GRID2: variants seen among roughly 807,000 people sequenced by gnomAD.
The protein encoded by GRID2 is glutamate receptor ionotropic, delta-2.
A neutral mutation model predicts 114.8 loss-of-function variants in GRID2; 33 were observed. The observed-to-expected ratio is 0.29, with a 90% confidence interval of 0.22 to 0.38. The LOEUF (loss-of-function observed/expected upper bound fraction) is 0.38, where lower values mean the gene tolerates loss of function less well. Ranked by LOEUF, GRID2 falls within the 10% of genes least tolerant of loss-of-function variation. GRID2 has a pLI of 1.00. For missense variants in GRID2, 1,184 were observed against 1,257.7 expected (o/e 0.94, Z 0.89); for synonymous variants, 505 against 449.9 (o/e 1.12, Z -1.55).
At chr4:93,361,825 T>C (rs1045457650) in intron 8 of GRID2, among the ~76,000 whole-genome samples, 1 of 151,938 alleles carries the variant, frequency 6.6e-6, no homozygotes, top group Non-Finnish European at 1.5e-5. Context: ...TGCTGCTAGT[T>C]TTTTTTTAGA....
intron 1 of GRID2, among the ~76,000 whole-genome samples, chr4:92,489,395 C>T (rs1723044286): frequency 6.6e-6 from 1 of 152,026 alleles, no homozygotes; most frequent in African/African-American, 2.4e-5. Flanking sequence ...ATTGAAATCT[C>T]GATTTTGTAA....
chr4:93,389,923 G>A (rs1399208082), intron 8 of GRID2, among the ~76,000 whole-genome samples: 1 of 152,020 alleles, frequency 6.6e-6, no homozygotes. Flanking sequence ...CAAGTAGCTG[G>A]GATTACAGGC....
At chr4:93,117,372 C>T (rs1294236066) in intron 4 of GRID2, among the ~76,000 whole-genome samples, 1 of 151,948 alleles carries the variant, frequency 6.6e-6, no homozygotes, top group Non-Finnish European at 1.5e-5. Context: ...CTTTCAGGAA[C>T]ATTTTGCATG....
chr4:93,205,928 A>G (rs1742707694), intron 4 of GRID2, among the ~76,000 whole-genome samples: 1 of 152,072 alleles, frequency 6.6e-6, no homozygotes, highest in Admixed American at 6.6e-5. Context: ...GCATTTGTTC[A>G]CGTGTTTTTT....
chr4:93,416,600 T>G (rs141958360), intron 9 of GRID2, among the ~76,000 whole-genome samples: 1 of 152,076 alleles, frequency 6.6e-6, no homozygotes, highest in Admixed American at 6.6e-5. Context: ...GCTTGTAGCT[T>G]GTACCTATCA....
chr4:92,370,145 T>G (rs1415642136), intron 1 of GRID2, among the ~76,000 whole-genome samples: 1 of 152,194 alleles, frequency 6.6e-6, no homozygotes, highest in Non-Finnish European at 1.5e-5. Context: ...ATTTCAAACT[T>G]TTTTAATTAT....
rs148458836 is a variant in GRID2, at chr4:93,622,169, G to A, written c.2194-4100G>A. Among the ~76,000 whole-genome samples the A allele has an allele frequency of 2.9e-3, 440 of 152,240 alleles. 1 individual carries two copies. Among genetic ancestry groups the A allele is most frequent in the African/African-American group, 0.01 (421 of 41,542 alleles). ...ATTTAGACCTAGGGAGCTATAAGCA[G>A]GTCTGCAAGTTGGTTGCAAAGATCA... On this transcript the variant is annotated intron_variant, in intron 13 of 15. Transcript: ENST00000282020.
rs369570162 is a variant in GRID2 at position 92,855,401 on chromosome 4, TTATA to T, written c.245-229590_245-229587del. Among the ~76,000 whole-genome samples, 895 of 152,118 alleles carry T rather than the reference TTATA, an allele frequency of 5.9e-3. 13 individuals are homozygous for T. The highest frequency in any genetic ancestry group is 0.02 in the African/African-American group (849 of 41,552). On this transcript the variant is annotated intron_variant, in intron 2 of 15. Transcript: ENST00000282020. ...TTGTTATTATTACTATATTTATTAT[TTATA>T]TATGCCATATGCATGTATATTGTCT...
At chr4:92,486,019 G>T (rs1336899662) in intron 1 of GRID2, among the ~76,000 whole-genome samples, 1 of 151,002 alleles carries the variant, frequency 6.6e-6, no homozygotes, top group African/African-American at 2.4e-5. Flanking sequence ...TATGCTAATG[G>T]GTTCTCATTA....
intron 2 of GRID2, among the ~76,000 whole-genome samples, chr4:92,715,431 G>A (rs548346515): frequency 9.9e-5 from 15 of 152,060 alleles, no homozygotes; most frequent in African/African-American, 3.1e-4. Context: ...TTCCAAAGTC[G>A]CTTCCACATT....
chr4:93,040,496 C>G (rs1282529966), intron 2 of GRID2, among the ~76,000 whole-genome samples: 1 of 151,900 alleles, frequency 6.6e-6, no homozygotes, highest in East Asian at 1.9e-4. Context: ...TTCTTCTTCC[C>G]CTCTTCCAAA....
intron 13 of GRID2, among the ~76,000 whole-genome samples, chr4:93,577,863 G>A (rs1736573370): frequency 6.6e-6 from 1 of 152,108 alleles, no homozygotes; most frequent in Non-Finnish European, 1.5e-5. Context: ...ACTTAACTCA[G>A]GTCATATTGT....
rs778482322 is a variant in GRID2, at chr4:92,366,079, C to T, written c.88+61335C>T. On this transcript the variant is annotated intron_variant, in intron 1 of 15. Coordinates refer to ENST00000282020, the MANE Select transcript of GRID2 (RefSeq NM_001510.4). The stretch of plus-strand genomic sequence containing the variant: ...TTCCCTTGTACTTTGCTCTTATAGA[C>T]ACTATGTCTTTTTTATATTACCTTA... Among the ~76,000 whole-genome samples the T allele has an allele frequency of 2.0e-5, 3 of 152,194 alleles. No homozygotes were observed. In the South Asian group the frequency reaches 6.2e-4, roughly 31 times the overall value.
At chr4:93,209,390 G>T (rs1014047690) in intron 5 of GRID2, among the ~76,000 whole-genome samples, 1 of 151,988 alleles carries the variant, frequency 6.6e-6, no homozygotes, top group Non-Finnish European at 1.5e-5. Flanking sequence ...GAGGAAAATG[G>T]CTTCCAGCTC....
chr4:93,699,152 A>G (rs1727293195), intron 14 of GRID2, among the ~76,000 whole-genome samples: 1 of 152,084 alleles, frequency 6.6e-6, no homozygotes, highest in African/African-American at 2.4e-5. Flanking sequence ...GTTATTGCAA[A>G]AAGCATTTGA....
intron 1 of GRID2, among the ~76,000 whole-genome samples, chr4:92,443,020 G>C (rs1198517081): frequency 6.6e-6 from 1 of 151,664 alleles, no homozygotes; most frequent in African/African-American, 2.4e-5. Flanking sequence ...GGAGCAGCCT[G>C]GGGAGGAAGG....
At chr4:92,873,621 G>A (rs1325929185) in intron 2 of GRID2, among the ~76,000 whole-genome samples, 1 of 152,030 alleles carries the variant, frequency 6.6e-6, no homozygotes, top group Non-Finnish European at 1.5e-5. Flanking sequence ...AATTACTTCT[G>A]ATTTCCTATC....
chr4:93,076,924 A>T (rs1258632685), intron 2 of GRID2, among the ~76,000 whole-genome samples: 1 of 152,032 alleles, frequency 6.6e-6, no homozygotes, highest in Non-Finnish European at 1.5e-5. Flanking sequence ...TTTGCCTAAG[A>T]TCCCATATTT....
intron 13 of GRID2, among the ~76,000 whole-genome samples, chr4:93,541,399 C>T (rs1292823601): frequency 6.6e-6 from 1 of 152,102 alleles, no homozygotes; most frequent in East Asian, 1.9e-4. Flanking sequence ...GTATTCTACT[C>T]TTGTCATGGA....
Sources: gnomAD v4.1 joint callset for allele counts (sites outside exome capture counted in the v4.1 genomes callset) on GRCh38, gnomAD v4.1.1 for gene constraint, MANE v1.5 for transcripts, NCBI Gene and HGNC (gene_info 2026-07-23, HGNC 2026-07-21) for gene names.